DENND1B: variants seen among roughly 807,000 people sequenced by gnomAD.
DENND1B encodes DENN domain containing 1B, also known as DENN domain-containing protein 1B.
A neutral mutation model predicts 90.1 loss-of-function variants in DENND1B; 59 were observed. The observed-to-expected ratio is 0.65, with a 90% CI of 0.53 to 0.81. The LOEUF (loss-of-function observed/expected upper bound fraction) is 0.81, where lower values mean the gene tolerates loss of function less well. Among genes scored for constraint, DENND1B ranks in the 40% least tolerant of loss-of-function variants. The pLI is 0.00. For missense variants in DENND1B, 862 were observed against 912.6 expected (o/e 0.94, Z 0.71); for synonymous variants, 337 against 324.6 (o/e 1.04, Z -0.41).
chr1:197,557,602 T>C (rs1671818813), intron 15 of DENND1B, among the ~76,000 whole-genome samples: 1 of 151,918 alleles, frequency 6.6e-6, no homozygotes, highest in South Asian at 2.1e-4. Flanking sequence ...ATGTACACAA[T>C]GAGTGAAAAT....
At chr1:197,631,919 C>G (rs1165098293) in intron 10 of DENND1B, among the ~76,000 whole-genome samples, 13 of 152,038 alleles carry the variant, frequency 8.6e-5, no homozygotes, top group Non-Finnish European at 1.9e-4. Flanking sequence ...AAAGCAGATA[C>G]TAAGTAAACA....
chr1:197,767,693 T>A (rs1558499390), intron 2 of DENND1B, among the ~76,000 whole-genome samples: 1 of 152,170 alleles, frequency 6.6e-6, no homozygotes, highest in Non-Finnish European at 1.5e-5. Flanking sequence ...ATGCAAATCC[T>A]AAAAATGAAA....
chr1:197,517,947 T>TTTG (rs1668516788), intron 20 of DENND1B, among the ~76,000 whole-genome samples: 1 of 95,622 alleles, frequency 1.0e-5, no homozygotes, highest in Non-Finnish European at 2.4e-5. Flanking sequence ...TTGTTTGTTT[T>TTTG]TTAGTTATCC....
chr1:197,605,545 T>C (rs1011403672), intron 13 of DENND1B: 3 of 151,116 alleles, frequency 2.0e-5, no homozygotes, highest in Non-Finnish European at 4.5e-5. Flanking sequence ...AGGAAGTACA[T>C]GCATATAAGG....
At chr1:197,635,513 T>A (rs1307022012) in intron 10 of DENND1B, among the ~76,000 whole-genome samples, 1 of 151,954 alleles carries the variant, frequency 6.6e-6, no homozygotes, top group Non-Finnish European at 1.5e-5. Flanking sequence ...ATTTTCTTAA[T>A]TTTTTGTAGA....
intron 14 of DENND1B, among the ~76,000 whole-genome samples, chr1:197,594,164 A>C (rs568808110): frequency 6.6e-6 from 1 of 152,174 alleles, no homozygotes; most frequent in Admixed American, 6.5e-5. Flanking sequence ...GAACTTATAA[A>C]AATAGCAGCG....
At chr1:197,737,279 C>T (rs1263320082) in intron 2 of DENND1B, among the ~76,000 whole-genome samples, 1 of 152,196 alleles carries the variant, frequency 6.6e-6, no homozygotes, top group African/African-American at 2.4e-5. Context: ...TTCCTTTAGA[C>T]AATGGCTTCA....
rs761972745 is a variant in DENND1B at position 197,537,369 on chromosome 1, T to A, written c.1515+2595A>T. On this transcript the variant is annotated intron_variant, in intron 20 of 22. Transcript: ENST00000620048. ...ACCATAAAATGCTAATCAATGCAGA[T>A]AACTGAATTAATGATAATATATAGT... Among the ~76,000 whole-genome samples the A allele has an allele frequency of 9.4e-4, 143 of 152,154 alleles. 1 individual carries two copies. The highest frequency in any genetic ancestry group is 2.4e-4 in the Non-Finnish European group (16 of 68,000).
chr1:197,617,234 G>C (rs767679318), intron 11 of DENND1B, among the ~76,000 whole-genome samples: 34 of 151,050 alleles, frequency 2.3e-4, no homozygotes, highest in Non-Finnish European at 4.6e-4. Context: ...GAGGGGTAAA[G>C]AAGTGTATTC....
intron 3 of DENND1B, among the ~76,000 whole-genome samples, chr1:197,698,720 A>G (rs1234168382): frequency 6.6e-6 from 1 of 152,170 alleles, no homozygotes; most frequent in Admixed American, 6.6e-5. Flanking sequence ...GAAAAATGAT[A>G]ATGGGGATAT....
At chr1:197,732,849 C>G (rs1269926817) in intron 2 of DENND1B, among the ~76,000 whole-genome samples, 2 of 152,156 alleles carry the variant, frequency 1.3e-5, no homozygotes, top group African/African-American at 2.4e-5. Flanking sequence ...AATATAAGAT[C>G]AGACAGAGCC....
At position 197,511,802 on chromosome 1, in the gene DENND1B, C is replaced by T. The variant is rs1418721846; in HGVS notation, c.1741G>A (p.Asp581Asn). The change falls in exon 22 of 23, where the codon GAT becomes AAT. Residue 581 changes from aspartate (D) to asparagine (N), a missense_variant. Physicochemically the swap from Asp to Asn is conservative, Grantham distance 23. Coordinates refer to ENST00000620048, the MANE Select transcript of DENND1B (RefSeq NM_001195215.2). ...TTTGCAGCTGCCAGCTTCCCCTGAT[C>T]TGAGCTGTGTGTGCTCAATGTATCA... The part of the protein sequence containing the change: ...ILDTLSTHSS[D>N]QGKLAAAKSL... 2 of 1,611,144 alleles carry T rather than the reference C, an allele frequency of 1.2e-6. No individual in the cohort carries two copies. The highest frequency in any genetic ancestry group is 2.2e-5 in the South Asian group (2 of 90,878).
intron 2 of DENND1B, among the ~76,000 whole-genome samples, chr1:197,772,211 T>C (rs1219430490): frequency 6.6e-6 from 1 of 152,116 alleles, no homozygotes; most frequent in African/African-American, 2.4e-5. Context: ...AAAAAGACAC[T>C]AAATTTCCAA....
intron 2 of DENND1B, among the ~76,000 whole-genome samples, chr1:197,721,458 A>G (rs909162875): frequency 1.4e-4 from 22 of 152,064 alleles, no homozygotes; most frequent in Non-Finnish European, 4.4e-5. Context: ...TGGACTATGT[A>G]TCTCTCACAA....
chr1:197,714,989 T>C (rs757293126), intron 3 of DENND1B, 42 bp downstream of exon 3: 1 of 1,468,908 alleles, frequency 6.8e-7, no homozygotes, highest in Non-Finnish European at 9.5e-7. Context: ...ACAATCATAA[T>C]ACTTCAACTT....
intron 18 of DENND1B, among the ~76,000 whole-genome samples, chr1:197,544,062 C>G (rs745974634): frequency 1.3e-5 from 2 of 152,156 alleles, no homozygotes; most frequent in Non-Finnish European, 2.9e-5. Flanking sequence ...ACTAGCTTCT[C>G]TCCTGGGAAG....
intron 10 of DENND1B, among the ~76,000 whole-genome samples, chr1:197,640,227 CT>C (rs1391863182): frequency 1.3e-5 from 2 of 152,108 alleles, no homozygotes; most frequent in African/African-American, 2.4e-5. Flanking sequence ...AATCCCAGCA[CT>C]TTGGGAGGAC....
At chr1:197,678,596 C>T (rs893474635) in intron 3 of DENND1B, among the ~76,000 whole-genome samples, 4 of 152,154 alleles carry the variant, frequency 2.6e-5, no homozygotes, top group Non-Finnish European at 4.4e-5. Flanking sequence ...CAGGGCACCA[C>T]AGCAAACTCT....
At chr1:197,609,652 T>G (rs1677004069) in intron 12 of DENND1B, among the ~76,000 whole-genome samples, 1 of 150,242 alleles carries the variant, frequency 6.7e-6, no homozygotes, top group Non-Finnish European at 1.5e-5. Flanking sequence ...CAACTACATT[T>G]AGAAGTTGTT....
Sources: gnomAD v4.1 joint callset for allele counts (sites outside exome capture counted in the v4.1 genomes callset) on GRCh38, gnomAD v4.1.1 for gene constraint, MANE v1.5 for transcripts, NCBI Gene and HGNC (gene_info 2026-07-23, HGNC 2026-07-21) for gene names.